Variants in GABRA2 observed in about 807,000 individuals in gnomAD.
GABRA2 encodes gamma-aminobutyric acid receptor subunit alpha-2.
A neutral mutation model predicts 48.7 loss-of-function variants in GABRA2; 16 were observed. The ratio of observed to expected loss-of-function variants is 0.33; its 90% CI spans 0.22 to 0.50. GABRA2 has a LOEUF of 0.50. Among genes scored for constraint, GABRA2 ranks in the 20% least tolerant of loss-of-function variants. GABRA2 has a pLI of 0.98. For synonymous variants in GABRA2, 185 were observed against 184.5 expected, an observed-to-expected ratio of 1.00 and a Z score of -0.02; for missense variants, 275 against 535.6, an observed-to-expected ratio of 0.51 and a Z score of 4.80.
At chr4:46,311,431 T>C (rs1351392310) in intron 5 of GABRA2, among the ~76,000 whole-genome samples, 1 of 152,226 alleles carries the variant, frequency 6.6e-6, no homozygotes, top group Non-Finnish European at 1.5e-5. Context: ...ATAATGCTGA[T>C]GTCAGATGTC....
intron 3 of GABRA2, among the ~76,000 whole-genome samples, chr4:46,348,821 TG>T (rs1290097516): frequency 1.3e-5 from 2 of 151,156 alleles, no homozygotes; most frequent in Non-Finnish European, 3.0e-5. Flanking sequence ...ATATACCTAA[TG>T]CTGAATGACG....
At chr4:46,310,729 A>G (rs1727503816) in intron 5 of GABRA2, among the ~76,000 whole-genome samples, 1 of 152,200 alleles carries the variant, frequency 6.6e-6, no homozygotes, top group African/African-American at 2.4e-5. Flanking sequence ...TACTGCATAT[A>G]TATTCACAGC....
intron 8 of GABRA2, among the ~76,000 whole-genome samples, chr4:46,291,950 T>C (rs985120003): frequency 5.9e-5 from 9 of 152,182 alleles, no homozygotes; most frequent in African/African-American, 1.7e-4. Context: ...TAGAGTTGAC[T>C]GTTTAATATA....
intron 4 of GABRA2, among the ~76,000 whole-genome samples, chr4:46,313,560 A>G (rs1238565168): frequency 7.7e-6 from 1 of 129,866 alleles, no homozygotes; most frequent in Non-Finnish European, 1.6e-5. Flanking sequence ...CTTACGTGAA[A>G]CTCTGTTTCT....
chr4:46,374,664 C>T (rs1715415488), intron 3 of GABRA2, among the ~76,000 whole-genome samples: 1 of 152,058 alleles, frequency 6.6e-6, no homozygotes, highest in Non-Finnish European at 1.5e-5. Context: ...TGCTAACCAT[C>T]TCCACCAAAC....
chr4:46,283,840 A>G (rs570750285), intron 8 of GABRA2, among the ~76,000 whole-genome samples: 5 of 152,298 alleles, frequency 3.3e-5, no homozygotes, highest in South Asian at 2.1e-4. Context: ...GCTCACTGCC[A>G]GCTCCGCCTC....
At chr4:46,307,336 A>G (rs917980323) in intron 6 of GABRA2, among the ~76,000 whole-genome samples, 1 of 152,074 alleles carries the variant, frequency 6.6e-6, no homozygotes, top group Non-Finnish European at 1.5e-5. Context: ...GCTCTCTTCA[A>G]TAAAATTTCA....
At chr4:46,304,384 A>G (rs962092136) in intron 7 of GABRA2, among the ~76,000 whole-genome samples, 1 of 152,074 alleles carries the variant, frequency 6.6e-6, no homozygotes, top group African/African-American at 2.4e-5. Context: ...TCTAATCCTC[A>G]TATCTACCTT....
chr4:46,331,137 A>AT (rs1476373385), intron 4 of GABRA2, among the ~76,000 whole-genome samples: 1 of 152,146 alleles, frequency 6.6e-6, no homozygotes, highest in South Asian at 2.1e-4. Context: ...GAAGAATAGG[A>AT]TTTTTTCCTC....
Position 46,310,262 on chromosome 4 carries a change from G to C in GABRA2, c.477-7C>G. ...TTCAGCTTGAACTGTAAGCCTAAAA[G>C]TCAAAATTTCACTATTTGTTTAAGT... is the stretch of plus-strand genomic sequence containing the variant. On this transcript the variant is annotated splice_polypyrimidine_tract_variant and splice_region_variant and intron_variant, in intron 5 of 9. Transcript: ENST00000381620. 2 of 1,610,836 alleles carry C rather than the reference G, an allele frequency of 1.2e-6. No homozygotes were observed. The highest frequency in any genetic ancestry group is 1.7e-6 in the Non-Finnish European group (2 of 1,177,376).
chr4:46,370,896 CA>C (rs1714786301), intron 3 of GABRA2, among the ~76,000 whole-genome samples: 1 of 151,174 alleles, frequency 6.6e-6, no homozygotes, highest in South Asian at 2.1e-4. Context: ...AAACAAGCCA[CA>C]CACACACACA....
At chr4:46,266,718 C>CTTTTTTTT (rs35380341) in intron 8 of GABRA2, among the ~76,000 whole-genome samples, 5 of 92,830 alleles carry the variant, frequency 5.4e-5, no homozygotes, top group African/African-American at 8.8e-5. Context: ...CAAATATTCT[C>CTTTTTTTT]TTTTTTTTTT....
In GABRA2 at chr4:46,251,158, T is replaced by C. The variant is rs185900017; in HGVS notation, c.1060-554A>G. 8.8e-4 allele frequency among the ~76,000 whole-genome samples: 134 copies of C among 151,492 alleles called. 2 individuals carry two copies. The highest frequency in any genetic ancestry group is 3.2e-3 in the African/African-American group (132 of 41,424). ...GAGAATAAAATACAAAGTCTTGGAT[T>C]TTTGCTTAGCTCATCCCGTTTCACT... On this transcript the variant is annotated intron_variant, in intron 9 of 9. Transcript: ENST00000381620.
At chr4:46,296,304 A>G (rs1724668767) in intron 8 of GABRA2, among the ~76,000 whole-genome samples, 1 of 152,146 alleles carries the variant, frequency 6.6e-6, no homozygotes, top group African/African-American at 2.4e-5. Context: ...CTGCTGGCCT[A>G]GAGATCTTAG....
chr4:46,338,395 T>C lies in GABRA2; in HGVS notation c.188-5713A>G, dbSNP rs573788208. 3.7e-4 allele frequency among the ~76,000 whole-genome samples: 57 copies of C among 152,032 alleles called. 1 individual carries two copies. Among genetic ancestry groups the C allele is most frequent in the African/African-American group, 1.3e-3 (55 of 41,548 alleles). On this transcript the variant is annotated intron_variant, in intron 3 of 9. Transcript: ENST00000381620. ...TCTAAGTACATAATCATCTGCATATTTAGGAAAAAAACTTAACCTCTTTTA... is the reference window on the plus strand; with the variant it reads ...TCTAAGTACATAATCATCTGCATATCTAGGAAAAAAACTTAACCTCTTTTA...
intron 3 of GABRA2, among the ~76,000 whole-genome samples, chr4:46,341,112 T>C (rs1045065676): frequency 6.6e-6 from 1 of 152,044 alleles, no homozygotes; most frequent in African/African-American, 2.4e-5. Context: ...GTCATTATTC[T>C]CTTTCGGAGA....
intron 3 of GABRA2, among the ~76,000 whole-genome samples, chr4:46,341,803 C>G (rs1404709861): frequency 7.0e-6 from 1 of 143,832 alleles, no homozygotes; most frequent in Admixed American, 7.3e-5. Context: ...CCCCTATTGT[C>G]ATCTCAGTCC....
rs548601113 is a variant in GABRA2 at position 46,308,164 on chromosome 4, AT to A, written c.559+2008del. Among the ~76,000 whole-genome samples the A allele has an allele frequency of 2.1e-3, 314 of 152,282 alleles. 1 individual carries two copies. Among genetic ancestry groups the A allele is most frequent in the African/African-American group, 7.3e-3 (305 of 41,572 alleles). On this transcript the variant is annotated intron_variant, in intron 6 of 9. Transcript: ENST00000381620. ...CTGTCAATTTTTAATCTGAAAGACA[AT>A]TTACAGCTTCTTTTGGATTAATGAA...
intron 8 of GABRA2, among the ~76,000 whole-genome samples, chr4:46,265,966 C>A (rs1718131245): frequency 6.6e-6 from 1 of 151,870 alleles, no homozygotes; most frequent in African/African-American, 2.4e-5. Flanking sequence ...TTTACATATG[C>A]AAATTTTCCA....
Sources: gnomAD v4.1 joint callset for allele counts (sites outside exome capture counted in the v4.1 genomes callset) on GRCh38, gnomAD v4.1.1 for gene constraint, MANE v1.5 for transcripts, NCBI Gene and HGNC (gene_info 2026-07-23, HGNC 2026-07-21) for gene names.